Variants in NPLOC4 observed in about 807,000 individuals in gnomAD.
NPLOC4 encodes nuclear protein localization protein 4 homolog.
In NPLOC4, 18 loss-of-function variants were observed where a neutral mutation model predicts 80.6. The ratio of observed to expected loss-of-function variants is 0.22; its 90% CI spans 0.15 to 0.33. NPLOC4 has a LOEUF of 0.33. NPLOC4 is among the 10% of genes least tolerant of loss of function. The pLI is 1.00. For synonymous variants in NPLOC4, 313 were observed against 301.5 expected, an observed-to-expected ratio of 1.04 and a Z score of -0.39; for missense variants, 540 against 786.1, an observed-to-expected ratio of 0.69 and a Z score of 3.74.
chr17:81,568,416 C>T (rs954869268), intron 14 of NPLOC4, among the ~76,000 whole-genome samples: 1 of 152,250 alleles, frequency 6.6e-6, no homozygotes, highest in African/African-American at 2.4e-5. Context: ...ATAGAAGAAG[C>T]TTTGTCAGCC....
chr17:81,593,576 G>A (rs1461710023), intron 11 of NPLOC4, among the ~76,000 whole-genome samples: 7 of 151,850 alleles, frequency 4.6e-5, no homozygotes, highest in African/African-American at 1.7e-4. Context: ...TAGTAAAGGG[G>A]TATCACAAAG....
intron 12 of NPLOC4, among the ~76,000 whole-genome samples, chr17:81,583,995 T>C (rs2034509938): frequency 6.6e-6 from 1 of 152,244 alleles, no homozygotes; most frequent in African/African-American, 2.4e-5. Flanking sequence ...AGTAACCACA[T>C]GCTATCCCAG....
At chr17:81,565,479 C>T (rs1362094347) in intron 16 of NPLOC4, 26 bp downstream of exon 16, 2 of 1,524,800 alleles carry the variant, frequency 1.3e-6, no homozygotes, top group East Asian at 2.4e-5. Context: ...CCACGGGGTG[C>T]CGGGGCAGGG....
At chr17:81,581,348 CAAAAAAAAAAA>C (rs1169351301) in intron 12 of NPLOC4, among the ~76,000 whole-genome samples, 8 of 8,478 alleles carry the variant, frequency 9.4e-4, no homozygotes, top group East Asian at 5.1e-3. Context: ...GACTCCAACG[CAAAAAAAAAAA>C]AAAAAAAAAA....
chr17:81,598,913 A>G (rs191047722), intron 9 of NPLOC4, among the ~76,000 whole-genome samples: 68 of 152,356 alleles, frequency 4.5e-4, no homozygotes, highest in African/African-American at 1.6e-3. Flanking sequence ...TGGTGGCAAC[A>G]GAGAAAATGA....
chr17:81,610,805 A>G lies in NPLOC4; in HGVS notation c.387-547T>C, dbSNP rs1052729007. ...GTCTCTACTAAAAATACAAAAAATT[A>G]GCCGGGCGCGGTGGCGGGCGCCTGT... is the stretch of plus-strand genomic sequence containing the variant. On this transcript the variant is annotated intron_variant, in intron 4 of 16. Transcript: ENST00000331134. 6.2e-5 allele frequency among the ~76,000 whole-genome samples: 5 copies of G among 80,722 alleles called. 2 individuals carry two copies. The highest frequency in any genetic ancestry group is 1.6e-4 in the Non-Finnish European group (5 of 31,536). 53.0% of individuals were successfully genotyped at this position (80,722 alleles called of 152,430 possible).
chr17:81,600,526 T>C (rs1345247048), intron 8 of NPLOC4, 99 bp from the exon 9 acceptor site: 1 of 839,076 alleles, frequency 1.2e-6, no homozygotes, highest in African/African-American at 1.7e-5. Flanking sequence ...CAAGGAGTGC[T>C]GGGGGCCTCC....
intron 11 of NPLOC4, among the ~76,000 whole-genome samples, chr17:81,594,243 C>T (rs1463335876): frequency 1.6e-5 from 2 of 125,976 alleles, no homozygotes; most frequent in Non-Finnish European, 3.1e-5. Flanking sequence ...CCACTGCAGT[C>T]CAGCCTGGGC....
intron 2 of NPLOC4, among the ~76,000 whole-genome samples, chr17:81,623,867 G>A (rs995396541): frequency 1.3e-5 from 2 of 151,778 alleles, no homozygotes; most frequent in East Asian, 1.9e-4. Context: ...ATCATAAAAC[G>A]TCCACTGTGC....
In NPLOC4 at chr17:81,613,393, T is replaced by G. The variant is rs553100027; in HGVS notation, c.311A>C (p.Asn104Thr). 1.2e-6 allele frequency: 2 copies of G among 1,613,928 alleles called. No homozygotes were observed. Among genetic ancestry groups the G allele is most frequent in the Admixed American group, 1.7e-5 (1 of 60,002 alleles). ...CTGATCAATCTCATCCTCCACCACG[T>G]TGGGAGCGCCAAAGACTTTGAAGCC... ...PPGFKVFGAPNVVEDEIDQYL... is the reference protein window; with the variant it reads ...PPGFKVFGAPTVVEDEIDQYL... Residue 104 changes from asparagine to threonine, a missense_variant, in exon 4 of 17, where the codon AAC becomes ACC. By Grantham distance (65) the Asn-to-Thr change is moderately conservative (BLOSUM62 0). This residue lies in a region of NPLOC4 where 74 missense variants were observed against 75.7 expected (regional missense o/e 0.98). Transcript: ENST00000331134.
chr17:81,636,723 G>A (rs560218069), intron 1 of NPLOC4, among the ~76,000 whole-genome samples, 193 bp downstream of exon 1: 68 of 152,208 alleles, frequency 4.5e-4, no homozygotes, highest in African/African-American at 1.6e-3. Context: ...CCTGGGGAGG[G>A]ACACGGACGG....
chr17:81,619,341 G>A (rs1210948933), intron 3 of NPLOC4, among the ~76,000 whole-genome samples: 1 of 151,574 alleles, frequency 6.6e-6, no homozygotes, highest in African/African-American at 2.4e-5. Context: ...CGCGCCACTG[G>A]ACTCTAGCCT....
intron 16 of NPLOC4, among the ~76,000 whole-genome samples, chr17:81,561,294 GCTT>G: frequency 6.6e-6 from 1 of 152,066 alleles, no homozygotes; most frequent in Admixed American, 6.6e-5. Flanking sequence ...CCTCCGCCCA[GCTT>G]CTTCTTCTGC....
chr17:81,569,265 T>C (rs1399975187), intron 13 of NPLOC4, among the ~76,000 whole-genome samples, 154 bp from the exon 14 acceptor site: 1 of 152,246 alleles, frequency 6.6e-6, no homozygotes, highest in Non-Finnish European at 1.5e-5. Flanking sequence ...AACCGTTATC[T>C]ATTAGTGTCA....
At chr17:81,581,856 G>A (rs2034449183) in intron 12 of NPLOC4, among the ~76,000 whole-genome samples, 1 of 152,222 alleles carries the variant, frequency 6.6e-6, no homozygotes, top group African/African-American at 2.4e-5. Flanking sequence ...GCAGGAAAGA[G>A]CATCCCGAAA....
At chr17:81,621,326 C>T (rs1384687505) in intron 3 of NPLOC4, among the ~76,000 whole-genome samples, 2 of 152,156 alleles carry the variant, frequency 1.3e-5, no homozygotes, top group Non-Finnish European at 2.9e-5. Context: ...TGTTGTGTCC[C>T]TAGACATAGT....
chr17:81,559,635 C>T (rs1395793255), intron 16 of NPLOC4, among the ~76,000 whole-genome samples: 1 of 152,104 alleles, frequency 6.6e-6, no homozygotes. Flanking sequence ...TAACAGGGAG[C>T]CTGTGCTTGC....
intron 9 of NPLOC4, among the ~76,000 whole-genome samples, chr17:81,599,792 C>T (rs1413573374): frequency 6.6e-6 from 1 of 152,236 alleles, no homozygotes; most frequent in Non-Finnish European, 1.5e-5. Flanking sequence ...CATCTTCTAA[C>T]TGTTCCATGA....
At chr17:81,625,626 A>G (rs6565610) in intron 2 of NPLOC4, among the ~76,000 whole-genome samples, 93,709 of 152,002 alleles carry the variant, frequency 0.62, 30,943 homozygotes, top group East Asian at 0.99. Context: ...AGCAACTCGG[A>G]AGGCTGAGGT....
Sources: allele counts gnomAD v4.1 joint callset (sites outside exome capture counted in the v4.1 genomes callset), GRCh38; gene constraint gnomAD v4.1.1; regional missense constraint gnomAD v4.1.1; transcripts MANE v1.5; gene names NCBI Gene and HGNC (gene_info 2026-07-23, HGNC 2026-07-21).